The following ZSCAN25 variants were observed in gnomAD, a reference collection of about 807,000 sequenced individuals.
ZSCAN25 encodes the protein zinc finger and SCAN domain-containing protein 25.
A neutral mutation model predicts 38.7 loss-of-function variants in ZSCAN25; 27 were observed. The ratio of observed to expected loss-of-function variants is 0.70; its 90% CI spans 0.51 to 0.96. The LOEUF (loss-of-function observed/expected upper bound fraction) is 0.96. Ranked by LOEUF, ZSCAN25 falls within the 40% of genes least tolerant of loss-of-function variation. ZSCAN25 has a pLI of 0.00. For missense variants in ZSCAN25, 637 were observed against 705.9 expected, an observed-to-expected ratio of 0.90 and a Z score of 1.11; for synonymous variants, 273 against 277.7, an observed-to-expected ratio of 0.98 and a Z score of 0.17.
the ZSCAN25 span, chr7:99,717,267 T>C: frequency 4.3e-6 from 7 of 1,613,896 alleles, no homozygotes; most frequent in Non-Finnish European, 5.1e-6. Flanking sequence ...AGGGACCATC[T>C]AAGCACAAAA....
chr7:99,629,984 G>A lies in ZSCAN25; in HGVS notation c.1599G>A (p.Gln533=), dbSNP rs778535496. 5 of 1,596,908 alleles carry A rather than the reference G, an allele frequency of 3.1e-6. No homozygotes were observed. The highest frequency in any genetic ancestry group is 3.3e-4 in the Middle Eastern group (2 of 6,008). The change falls in exon 8 of 8, where the codon CAG becomes CAA. Residue 533 remains glutamine (Q), a synonymous_variant. Coordinates refer to ENST00000394152, the MANE Select transcript of ZSCAN25 (RefSeq NM_145115.3). The surrounding 1 kb of genome is among the most constrained non-coding windows in gnomAD (Gnocchi z 5.6). ...AGAGGTCCATCCTCAACCGGCACCA[G>A]AAGACCCAGCACCGCCAGGAGCCGC... ...FNQRSILNRH[Q]KTQHRQEPLV... is the part of the protein sequence containing the mutation.
chr7:99,634,797 AAAAAC>A (rs1554412416), downstream of ZSCAN25, among the ~76,000 whole-genome samples: 1 of 152,020 alleles, frequency 6.6e-6, no homozygotes, highest in Non-Finnish European at 1.5e-5. Context: ...ACTCCGTCTC[AAAAAC>A]AAAACAAAAC....
chr7:99,718,066 A>G, the ZSCAN25 span, among the ~76,000 whole-genome samples: 4 of 152,046 alleles, frequency 2.6e-5, no homozygotes, highest in African/African-American at 7.2e-5. Context: ...TTAAAAAAAT[A>G]TACAATGAGA....
chr7:99,730,293 T>C, the ZSCAN25 span, among the ~76,000 whole-genome samples: 2 of 152,314 alleles, frequency 1.3e-5, no homozygotes, highest in African/African-American at 2.4e-5. Context: ...TCTGCCTTTG[T>C]GTAAAAAATA....
At chr7:99,664,941 T>G in the ZSCAN25 span, among the ~76,000 whole-genome samples, 2 of 152,194 alleles carry the variant, frequency 1.3e-5, no homozygotes, top group Admixed American at 6.5e-5. Flanking sequence ...TATTGGATGC[T>G]TAGGGCAGTG....
the ZSCAN25 span, among the ~76,000 whole-genome samples, chr7:99,726,230 A>G: frequency 2.0e-5 from 3 of 152,026 alleles, no homozygotes; most frequent in Non-Finnish European, 2.9e-5. Flanking sequence ...TTAAAGCCTA[A>G]TCACCCTTAC....
chr7:99,685,166 T>C, the ZSCAN25 span: 1 of 1,611,516 alleles, frequency 6.2e-7, no homozygotes, highest in Non-Finnish European at 8.5e-7. Context: ...GTCCCATCCC[T>C]TGACTCAACC....
chr7:99,669,164 A>G, the ZSCAN25 span, among the ~76,000 whole-genome samples: 3 of 152,240 alleles, frequency 2.0e-5, no homozygotes, highest in African/African-American at 7.2e-5. Flanking sequence ...AAGATTGTTC[A>G]ATGAAAAGTG....
intron 5 of ZSCAN25, chr7:99,622,047 C>G (rs1385463229): frequency 6.1e-6 from 1 of 162,708 alleles, no homozygotes; most frequent in Non-Finnish European, 1.3e-5. Context: ...GCTTCAGCCT[C>G]CCAAGTAGCT....
Position 99,630,992 on chromosome 7 carries a change from G to A in ZSCAN25, c.*972G>A. The A allele has an allele frequency of 1.1e-6, 1 of 945,648 alleles. No homozygotes were observed. The highest frequency in any genetic ancestry group is 1.3e-6 in the Non-Finnish European group (1 of 793,862). The allele number at this position is 945,648 out of a possible 1,614,324, so 58.6% of individuals were successfully genotyped here. A position where few individuals can be genotyped will look rare whatever the true frequency, so the allele number is the denominator to read the frequency against. ...CATTCTCATTGGACCCATTTCCCAA[G>A]TATTTATTGAGGCCCTGTAACAAAC... is the stretch of plus-strand genomic sequence containing the variant. On this transcript the variant is annotated 3_prime_UTR_variant, in exon 8 of 8. Coordinates refer to ENST00000394152, the MANE Select transcript of ZSCAN25 (RefSeq NM_145115.3).
At chr7:99,665,282 G>A in the ZSCAN25 span, 4 of 1,614,142 alleles carry the variant, frequency 2.5e-6, no homozygotes, top group South Asian at 2.2e-5. Context: ...TGATGTGCCA[G>A]TAATCACATC....
the ZSCAN25 span, among the ~76,000 whole-genome samples, chr7:99,722,857 T>C: frequency 5.9e-5 from 9 of 152,210 alleles, no homozygotes; most frequent in Non-Finnish European, 4.4e-5. Context: ...CTAGCAGATT[T>C]AGATAAGTGT....
At chr7:99,715,783 T>A in the ZSCAN25 span, 1 of 1,613,896 alleles carries the variant, frequency 6.2e-7, no homozygotes, top group South Asian at 1.1e-5. Flanking sequence ...ATGGATCTAA[T>A]GGATTAAATC....
chr7:99,709,279 G>A, the ZSCAN25 span: 1 of 1,612,078 alleles, frequency 6.2e-7, no homozygotes, highest in Non-Finnish European at 8.5e-7. Context: ...GAAAGAAACA[G>A]ATTTGGATAA....
At chr7:99,722,616 T>C in the ZSCAN25 span, among the ~76,000 whole-genome samples, 1 of 152,220 alleles carries the variant, frequency 6.6e-6, no homozygotes, top group Non-Finnish European at 1.5e-5. Context: ...TCCTTGTCTT[T>C]CTGATGTCTC....
chr7:99,729,061 A>G, the ZSCAN25 span, among the ~76,000 whole-genome samples: 1 of 152,184 alleles, frequency 6.6e-6, no homozygotes, highest in Admixed American at 6.5e-5. Flanking sequence ...CTTAAAGATA[A>G]AGACCAAAAA....
At chr7:99,724,474 C>A in the ZSCAN25 span, among the ~76,000 whole-genome samples, 1 of 152,092 alleles carries the variant, frequency 6.6e-6, no homozygotes, top group African/African-American at 2.4e-5. Context: ...TTTCTTCTTT[C>A]TCTCCTGTCT....
chr7:99,676,623 A>T, the ZSCAN25 span: 1 of 1,181,214 alleles, frequency 8.5e-7, no homozygotes, highest in Non-Finnish European at 1.2e-6. Context: ...ACTGATGATG[A>T]GATTTTGCAT....
At chr7:99,678,372 G>T in the ZSCAN25 span, among the ~76,000 whole-genome samples, 1 of 152,240 alleles carries the variant, frequency 6.6e-6, no homozygotes, top group East Asian at 1.9e-4. Context: ...CTACCTGGAA[G>T]CCTTTGCTAT....
Sources: gnomAD v4.1 joint callset for allele counts (sites outside exome capture counted in the v4.1 genomes callset) on GRCh38, gnomAD v4.1.1 for gene constraint, Gnocchi (gnomAD v3.1) non-coding constraint, MANE v1.5 for transcripts, NCBI Gene and HGNC (gene_info 2026-07-23, HGNC 2026-07-21) for gene names.